The following SCFD1 variants were observed in gnomAD, a reference collection of about 807,000 sequenced individuals.
SCFD1 encodes the protein sec1 family domain containing 1, also known as sec1 family domain-containing protein 1.
In SCFD1, 37 loss-of-function variants were observed where a neutral mutation model predicts 103.2. The ratio of observed to expected loss-of-function variants is 0.36; its 90% CI spans 0.28 to 0.47. The LOEUF (loss-of-function observed/expected upper bound fraction) is 0.47, where lower values mean the gene tolerates loss of function less well. SCFD1 is among the 20% of genes least tolerant of loss of function. SCFD1 has a pLI of 1.00. For missense variants in SCFD1, 639 were observed against 761.2 expected (o/e 0.84, Z 1.89); for synonymous variants, 264 against 245.0 (o/e 1.08, Z -0.73).
intron 15 of SCFD1, among the ~76,000 whole-genome samples, chr14:30,696,368 A>T (rs1232259376): frequency 6.6e-6 from 1 of 152,182 alleles, no homozygotes; most frequent in Non-Finnish European, 1.5e-5. Flanking sequence ...ATTCCTTGTT[A>T]TTTACAGTAA....
intron 14 of SCFD1, among the ~76,000 whole-genome samples, chr14:30,682,618 A>G: frequency 6.6e-6 from 1 of 152,228 alleles, no homozygotes; most frequent in South Asian, 2.1e-4. Context: ...ATAATGAACA[A>G]GCAGTCTCAA....
At chr14:30,656,758 TC>T (rs1417034272) in intron 10 of SCFD1, among the ~76,000 whole-genome samples, 1 of 151,558 alleles carries the variant, frequency 6.6e-6, no homozygotes, top group African/African-American at 2.4e-5. Flanking sequence ...AAAATCAGGT[TC>T]CCATTTGAGA....
intron 15 of SCFD1, among the ~76,000 whole-genome samples, chr14:30,696,118 T>C (rs2139318198): frequency 6.6e-6 from 1 of 152,312 alleles, no homozygotes; most frequent in South Asian, 2.1e-4. Context: ...TGCATAATTA[T>C]GGTTTTTGAG....
rs1566645838 is a variant in SCFD1, at chr14:30,703,939, AT to A, written c.1490+1565del. 3.7e-4 allele frequency among the ~76,000 whole-genome samples: 23 copies of A among 62,492 alleles called. No individual in the cohort carries two copies. In the South Asian group the frequency reaches 4.1e-3, roughly 11 times the overall value. The allele number at this position is 62,492 out of a possible 152,430, so 41.0% of individuals were successfully genotyped here. Reference sequence around the variant, plus strand: ...TATATATATATATATATATATATATATATATATATATATATATATATATAAA... The same window carrying A: ...TATATATATATATATATATATATATAATATATATATATATATATATATAAA... On this transcript the variant is annotated intron_variant, in intron 17 of 24. Coordinates refer to ENST00000458591, the MANE Select transcript of SCFD1 (RefSeq NM_016106.4).
intron 9 of SCFD1, among the ~76,000 whole-genome samples, chr14:30,652,136 A>C (rs1886451439): frequency 6.6e-6 from 1 of 152,160 alleles, no homozygotes; most frequent in South Asian, 2.1e-4. Flanking sequence ...CAGTTAGGAA[A>C]TCCACTGTCC....
rs777481154 is a variant in SCFD1 at position 30,705,065 on chromosome 14, A to G, written c.1491-758A>G. ...CCATCTTTCTGCCCATCCTTCATCA[A>G]TCGTATTGTTTAGTTACAGAGATTC... On this transcript the variant is annotated intron_variant, in intron 17 of 24. Coordinates refer to ENST00000458591, the MANE Select transcript of SCFD1 (RefSeq NM_016106.4). Among the ~76,000 whole-genome samples, 2 of 152,248 alleles carry G rather than the reference A, an allele frequency of 1.3e-5. 1 individual carries two copies. Among genetic ancestry groups the G allele is most frequent in the South Asian group, 4.1e-4 (2 of 4,826 alleles).
chr14:30,622,335 C>G lies in SCFD1; in HGVS notation c.-4C>G, dbSNP rs528272715. On this transcript the variant is annotated 5_prime_UTR_variant, in exon 1 of 25. Coordinates refer to ENST00000458591, the MANE Select transcript of SCFD1 (RefSeq NM_016106.4). ...CAGCCGGGCAGTGGCTCGTGGGAGCCAAGATGGCGGCGGCGGCGGCAGCGA... is the reference window on the plus strand; with the variant it reads ...CAGCCGGGCAGTGGCTCGTGGGAGCGAAGATGGCGGCGGCGGCGGCAGCGA... 5.1e-6 allele frequency: 8 copies of G among 1,580,750 alleles called. No individual in the cohort carries two copies. The highest frequency in any genetic ancestry group is 6.9e-6 in the Non-Finnish European group (8 of 1,164,428).
At chr14:30,734,970 G>A (rs1461058386) in intron 24 of SCFD1, 112 bp downstream of exon 24, 2 of 767,186 alleles carry the variant, frequency 2.6e-6, no homozygotes, top group African/African-American at 1.7e-5. Context: ...CGAAACCAAA[G>A]CCATCCAGCT....
chr14:30,700,556 C>T (rs895234607), intron 16 of SCFD1, among the ~76,000 whole-genome samples: 1 of 152,126 alleles, frequency 6.6e-6, no homozygotes, highest in African/African-American at 2.4e-5. Flanking sequence ...CGCCTGTAAT[C>T]CCAGCTGCTG....
intron 19 of SCFD1, 57 bp downstream of exon 19, chr14:30,708,122 C>A: frequency 9.0e-7 from 1 of 1,109,308 alleles, no homozygotes; most frequent in Non-Finnish European, 1.4e-6. Flanking sequence ...TGTTGACAGG[C>A]TAACTGCTCA....
chr14:30,710,895 T>G (rs1891824240), intron 19 of SCFD1, among the ~76,000 whole-genome samples: 1 of 152,222 alleles, frequency 6.6e-6, no homozygotes, highest in Non-Finnish European at 1.5e-5. Context: ...TTGGATCTTT[T>G]TATCTGAATA....
chr14:30,679,441 A>G (rs1438576952), intron 14 of SCFD1, among the ~76,000 whole-genome samples: 2 of 152,192 alleles, frequency 1.3e-5, no homozygotes, highest in African/African-American at 2.4e-5. Context: ...ACTGTATTTT[A>G]CGGAAATTGC....
At chr14:30,703,558 A>G (rs10220596) in intron 17 of SCFD1, among the ~76,000 whole-genome samples, 5,497 of 151,194 alleles carry the variant, frequency 0.036, 320 homozygotes, top group African/African-American at 0.12. Context: ...CCTTCAAAAT[A>G]GTTTTTAAAA....
intron 10 of SCFD1, among the ~76,000 whole-genome samples, chr14:30,668,052 A>ACTTTC (rs1390483359): frequency 6.6e-6 from 1 of 151,622 alleles, no homozygotes; most frequent in Admixed American, 6.6e-5. Context: ...GAAAAAAACT[A>ACTTTC]AAGTTCATAT....
At chr14:30,643,586 T>C (rs531575758) in intron 7 of SCFD1, among the ~76,000 whole-genome samples, 181 bp downstream of exon 7, 1 of 152,362 alleles carries the variant, frequency 6.6e-6, no homozygotes, top group Non-Finnish European at 1.5e-5. Flanking sequence ...GATGTGGTTC[T>C]CTTAACATTT....
intron 4 of SCFD1, among the ~76,000 whole-genome samples, chr14:30,635,579 T>C (rs914216774): frequency 6.6e-6 from 1 of 152,216 alleles, no homozygotes; most frequent in Non-Finnish European, 1.5e-5. Flanking sequence ...TATTGTAGCA[T>C]GAATTGGTAC....
Position 30,708,030 on chromosome 14 carries a change from A to G in SCFD1, c.1594A>G (p.Met532Val), listed in dbSNP as rs554452410. The change falls in exon 19 of 25, where the codon ATG (methionine) becomes GTG (valine). Residue 532 changes from methionine to valine, a missense_variant. Coordinates refer to ENST00000458591, the MANE Select transcript of SCFD1 (RefSeq NM_016106.4). ...RVMNTGSQFVMEGVKNLVLKQ... is the reference protein window; with the variant it reads ...RVMNTGSQFVVEGVKNLVLKQ... ...CATGAATACAGGATCACAGTTTGTG[A>G]TGGAAGGAGTGAAGAACCTGGTTTT... 22 of 1,613,408 alleles carry G rather than the reference A, an allele frequency of 1.4e-5. 1 individual carries two copies. In the Admixed American group the frequency reaches 1.5e-4, roughly 11 times the overall value.
intron 23 of SCFD1, among the ~76,000 whole-genome samples, chr14:30,730,468 C>A (rs1458195365): frequency 1.3e-5 from 2 of 152,202 alleles, no homozygotes; most frequent in Admixed American, 6.5e-5. Flanking sequence ...AGTTTACAGT[C>A]CCACCAACAG....
chr14:30,628,294 T>A lies in SCFD1; in HGVS notation c.132+15T>A. 6.4e-7 allele frequency: 1 copy of A among 1,551,952 alleles called. No homozygotes were observed. Among genetic ancestry groups the A allele is most frequent in the African/African-American group, 1.4e-5 (1 of 73,412 alleles). ...CAGTATGGAAGGTAAGAGTTTATCTTAATGGGAACTGATTTCTGTTTTTCT... is the reference window on the plus strand; with the variant it reads ...CAGTATGGAAGGTAAGAGTTTATCTAAATGGGAACTGATTTCTGTTTTTCT... On this transcript the variant is annotated intron_variant, in intron 2 of 24. Transcript: ENST00000458591.
Sources: allele counts gnomAD v4.1 joint callset (sites outside exome capture counted in the v4.1 genomes callset), GRCh38; gene constraint gnomAD v4.1.1; transcripts MANE v1.5; gene names NCBI Gene and HGNC (gene_info 2026-07-23, HGNC 2026-07-21).